CLYBL: variants seen among roughly 807,000 people sequenced by gnomAD.
The protein encoded by CLYBL is citramalyl-CoA lyase.
CLYBL carries 31 observed loss-of-function variants against 38.9 expected under a neutral mutation model. The observed-to-expected ratio is 0.80, with a 90% confidence interval of 0.60 to 1.08. CLYBL has a LOEUF of 1.08. Among genes scored for constraint, CLYBL ranks in the 50% least tolerant of loss-of-function variants. The pLI, the probability that CLYBL is intolerant of heterozygous loss-of-function variation, is 0.00. For synonymous variants in CLYBL, 171 were observed against 158.6 expected (o/e 1.08, Z -0.59); for missense variants, 434 against 411.6 (o/e 1.05, Z -0.47).
chr13:99,790,899 G>A (rs2049901833), intron 2 of CLYBL, among the ~76,000 whole-genome samples: 1 of 152,160 alleles, frequency 6.6e-6, no homozygotes, highest in South Asian at 2.1e-4. Flanking sequence ...GTGTTGGGGT[G>A]AGGCATATCC....
chr13:99,776,171 A>T (rs1292391714), intron 2 of CLYBL, among the ~76,000 whole-genome samples: 8 of 80,448 alleles, frequency 9.9e-5, no homozygotes, highest in African/African-American at 3.1e-4. Flanking sequence ...CTCAAAAAAA[A>T]AAAACCAAAA....
At chr13:99,606,851 G>C in intron 1 of CLYBL, 94 bp downstream of exon 1, 1 of 1,287,924 alleles carries the variant, frequency 7.8e-7, no homozygotes, top group Non-Finnish European at 9.8e-7. Flanking sequence ...GCCTCCCCAA[G>C]CCCTCACGGG....
chr13:99,797,560 T>G (rs78582164), intron 2 of CLYBL, among the ~76,000 whole-genome samples: 1,693 of 141,806 alleles, frequency 0.012, 22 homozygotes, highest in East Asian at 0.078. Flanking sequence ...TGTTAGCTGT[T>G]TGTGTGTGTG....
At chr13:99,640,879 A>G (rs912240781) in intron 1 of CLYBL, among the ~76,000 whole-genome samples, 2 of 152,238 alleles carry the variant, frequency 1.3e-5, no homozygotes, top group African/African-American at 4.8e-5. Flanking sequence ...ATATATACGA[A>G]TATATGGTGG....
intron 1 of CLYBL, among the ~76,000 whole-genome samples, chr13:99,680,507 A>C (rs982817856): frequency 2.0e-5 from 3 of 152,216 alleles, no homozygotes; most frequent in Non-Finnish European, 2.9e-5. Flanking sequence ...AGAGGCCTCC[A>C]AAAATAACGG....
chr13:99,652,949 C>A (rs1162548981), intron 1 of CLYBL, among the ~76,000 whole-genome samples: 1 of 152,204 alleles, frequency 6.6e-6, no homozygotes, highest in Non-Finnish European at 1.5e-5. Flanking sequence ...GCTGGGGAGA[C>A]ACACCCTAAA....
In CLYBL at chr13:99,865,147, G is replaced by A. The variant is rs1228831278; in HGVS notation, c.634+236G>A. On this transcript the variant is annotated intron_variant, in intron 5 of 8. Transcript: ENST00000339105. The surrounding 1 kb of genome is among the most constrained non-coding windows in gnomAD (Gnocchi z 4.7). ...ACTTCTGTTCATTTATAAAAGACAC[G>A]AGCAATAGAAAGCCTGTTGCAGCCC... 9.8e-6 allele frequency: 5 copies of A among 509,384 alleles called. No homozygotes were observed. The highest frequency in any genetic ancestry group is 1.5e-5 in the Non-Finnish European group (4 of 270,412). 31.6% of individuals were successfully genotyped at this position (509,384 alleles called of 1,614,324 possible).
In CLYBL at chr13:99,849,668, G is replaced by A. The variant is rs1224203783; in HGVS notation, c.250-9193G>A. 6.6e-6 allele frequency among the ~76,000 whole-genome samples: 1 copy of A among 152,236 alleles called. No individual in the cohort carries two copies. Among genetic ancestry groups the A allele is most frequent in the Non-Finnish European group, 1.5e-5 (1 of 68,046 alleles). On this transcript the variant is annotated intron_variant, in intron 2 of 8. Transcript: ENST00000339105. The surrounding 1 kb of genome is among the most constrained non-coding windows in gnomAD (Gnocchi z 4.9). ...GCCTCAGAGGCCCATAAGGATGCCT[G>A]TCAAGGTCTTCGCAGAAATACCAAA...
At chr13:99,855,481 A>G (rs1275374002) in intron 2 of CLYBL, among the ~76,000 whole-genome samples, 1 of 152,206 alleles carries the variant, frequency 6.6e-6, no homozygotes, top group Non-Finnish European at 1.5e-5. Flanking sequence ...AGAGCCAACC[A>G]GGAGCCAAAG....
intron 2 of CLYBL, among the ~76,000 whole-genome samples, chr13:99,795,255 C>T (rs1308838453): frequency 2.0e-5 from 3 of 152,150 alleles, no homozygotes; most frequent in African/African-American, 7.2e-5. Context: ...AGAAATTAAC[C>T]TCCAAAAGTT....
At chr13:99,731,530 C>G (rs2048590742) in intron 1 of CLYBL, among the ~76,000 whole-genome samples, 1 of 151,450 alleles carries the variant, frequency 6.6e-6, no homozygotes, top group Admixed American at 6.6e-5. Flanking sequence ...CCAAAGAATG[C>G]CTCAAAGCAT....
chr13:99,864,954 TG>T (rs2051704464), intron 5 of CLYBL, 43 bp downstream of exon 5: 1 of 1,297,796 alleles, frequency 7.7e-7, no homozygotes, highest in African/African-American at 1.5e-5. Context: ...TGTGTGTGTG[TG>T]TATATGTGTG....
At chr13:99,744,075 G>A (rs1186141077) in intron 1 of CLYBL, among the ~76,000 whole-genome samples, 1 of 146,448 alleles carries the variant, frequency 6.8e-6, no homozygotes, top group Non-Finnish European at 1.5e-5. Flanking sequence ...CGGGTTCACA[G>A]CATTCTCCTG....
intron 2 of CLYBL, among the ~76,000 whole-genome samples, chr13:99,845,447 T>C (rs768845107): frequency 5.3e-5 from 8 of 152,196 alleles, no homozygotes; most frequent in Non-Finnish European, 1.0e-4. Flanking sequence ...CAAGTGGTTG[T>C]GCAGTGCGCC....
chr13:99,884,684 G>A (rs955586601), intron 7 of CLYBL, among the ~76,000 whole-genome samples: 1 of 152,200 alleles, frequency 6.6e-6, no homozygotes, highest in Admixed American at 6.5e-5. Flanking sequence ...CTGGGCCTGT[G>A]GCACGCCAGG....
Position 99,808,625 on chromosome 13 carries a change from A to G in CLYBL, c.249+35615A>G, listed in dbSNP as rs540023733. Among the ~76,000 whole-genome samples, 3 of 152,368 alleles carry G rather than the reference A, an allele frequency of 2.0e-5. No homozygotes were observed. The South Asian group carries it at 6.2e-4, about 32-fold the overall frequency. On this transcript the variant is annotated intron_variant, in intron 2 of 8. Coordinates refer to ENST00000339105, the MANE Select transcript of CLYBL (RefSeq NM_206808.5). The stretch of plus-strand genomic sequence containing the variant: ...AGTTTTGAAAGTTTAAGGGAATTTA[A>G]TAAAGTCGTAAATGGTGCCAATTGA...
At chr13:99,826,932 T>C (rs1331575474) in intron 2 of CLYBL, among the ~76,000 whole-genome samples, 1 of 152,214 alleles carries the variant, frequency 6.6e-6, no homozygotes, top group Non-Finnish European at 1.5e-5. Flanking sequence ...AATGAAGGTG[T>C]CTTTCCTTGA....
intron 2 of CLYBL, among the ~76,000 whole-genome samples, chr13:99,797,867 A>G (rs911137818): frequency 6.6e-6 from 1 of 152,172 alleles, no homozygotes; most frequent in African/African-American, 2.4e-5. Context: ...CTTCCTGTTT[A>G]TTGATAAACA....
Position 99,659,214 on chromosome 13 carries a change from G to GTA in CLYBL, c.62+52458_62+52459insAT, listed in dbSNP as rs1377232578. On this transcript the variant is annotated intron_variant, in intron 1 of 8. Transcript: ENST00000339105. ...CATCCTCTAAGCTATGTGTGTGTGT[G>GTA]TGTATATATATATATGTATATATAT... is the stretch of plus-strand genomic sequence containing the variant. Among the ~76,000 whole-genome samples, 721 of 151,558 alleles carry GTA rather than the reference G, an allele frequency of 4.8e-3. 11 individuals carry two copies. The highest frequency in any genetic ancestry group is 0.016 in the African/African-American group (674 of 41,002).
Sources: gnomAD v4.1 joint callset for allele counts (sites outside exome capture counted in the v4.1 genomes callset) on GRCh38, gnomAD v4.1.1 for gene constraint, Gnocchi (gnomAD v3.1) non-coding constraint, MANE v1.5 for transcripts, NCBI Gene and HGNC (gene_info 2026-07-23, HGNC 2026-07-21) for gene names.